Variants in ERN1 observed in about 807,000 individuals in gnomAD.
ERN1 encodes the protein serine/threonine-protein kinase/endoribonuclease IRE1.
A neutral mutation model predicts 113.1 loss-of-function variants in ERN1; 39 were observed. The observed-to-expected ratio is 0.34, with a 90% CI of 0.27 to 0.45. The LOEUF is 0.45. ERN1 is among the 20% of genes least tolerant of loss of function. The pLI, the probability that ERN1 is intolerant of heterozygous loss-of-function variation, is 1.00. For missense variants in ERN1, 976 were observed against 1,274.8 expected (o/e 0.77, Z 3.57); for synonymous variants, 507 against 515.9 (o/e 0.98, Z 0.23).
Position 64,064,106 on chromosome 17 carries a change from C to T in ERN1, c.967G>A (p.Gly323Ser), listed in dbSNP as rs548216105. 25 of 1,610,610 alleles carry T rather than the reference C, an allele frequency of 1.6e-5. 1 individual carries two copies. The South Asian group carries it at 2.7e-4, about 17-fold the overall frequency. Residue 323 changes from glycine (G) to serine (S), a missense_variant, in exon 10 of 22, where the codon GGC (glycine) becomes AGC (serine). Physicochemically the swap from Gly to Ser is moderately conservative, Grantham distance 56 (BLOSUM62 0). Transcript: ENST00000433197. ...LPLLEGPQTD[G>S]VTIGDKGECV... is the part of the protein sequence containing the mutation. The stretch of plus-strand genomic sequence containing the variant: ...TCCCCCTTGTCCCCAATGGTGACGC[C>T]ATCAGTCTGGGGCCCTTCCAGCAAA...
chr17:64,123,147 A>G (rs572993835), intron 1 of ERN1, among the ~76,000 whole-genome samples: 33 of 152,324 alleles, frequency 2.2e-4, no homozygotes, highest in African/African-American at 6.5e-4. Context: ...CAAAAGGGAC[A>G]ATCAATGTAT....
intron 11 of ERN1, among the ~76,000 whole-genome samples, chr17:64,058,691 G>C (rs542918918): frequency 1.7e-4 from 26 of 152,102 alleles, no homozygotes; most frequent in Admixed American, 6.5e-5. Flanking sequence ...CAAATATCTA[G>C]TATTCTAGGT....
At chr17:64,047,046 T>C (rs943906712) in intron 19 of ERN1, among the ~76,000 whole-genome samples, 2 of 152,116 alleles carry the variant, frequency 1.3e-5, no homozygotes, top group Non-Finnish European at 1.5e-5. Flanking sequence ...ACAAATACAA[T>C]ATAAGAAAGC....
At chr17:64,048,994 C>T (rs1912598456) in intron 18 of ERN1, 61 bp downstream of exon 18, 1 of 1,473,866 alleles carries the variant, frequency 6.8e-7, no homozygotes, top group Admixed American at 2.1e-5. Context: ...CAGCCCAGCT[C>T]TGCAGGGCCA....
rs116215775 is a variant in ERN1, at chr17:64,062,833, T to C, written c.1087+1153A>G. 2.7e-3 allele frequency among the ~76,000 whole-genome samples: 417 copies of C among 152,296 alleles called. 1 individual carries two copies. The highest frequency in any genetic ancestry group is 9.8e-3 in the African/African-American group (406 of 41,544). On this transcript the variant is annotated intron_variant, in intron 10 of 21. Transcript: ENST00000433197. ...AAAAACGTATTATTATTTTGTCATC[T>C]CCTTTACCCGTTATTTGGTAAAAAT...
intron 1 of ERN1, among the ~76,000 whole-genome samples, chr17:64,120,589 T>C (rs1350638295): frequency 6.6e-6 from 1 of 152,218 alleles, no homozygotes; most frequent in Non-Finnish European, 1.5e-5. Context: ...GGGCCAAGGT[T>C]CATTTTTTTA....
intron 1 of ERN1, among the ~76,000 whole-genome samples, chr17:64,125,450 C>T (rs906084241): frequency 1.3e-5 from 2 of 152,194 alleles, no homozygotes; most frequent in Middle Eastern, 3.4e-3. Context: ...AACCCCAGTC[C>T]CCAACCCACG....
intron 12 of ERN1, 127 bp downstream of exon 12, chr17:64,057,671 CAACA>C (rs1453685743): frequency 5.3e-6 from 5 of 943,216 alleles, no homozygotes; most frequent in East Asian, 2.6e-5. Flanking sequence ...CCCGCCCGGC[CAACA>C]AACACTGACT....
chr17:64,106,764 A>ACACACACACACACACAC (rs1555618810), intron 1 of ERN1, among the ~76,000 whole-genome samples: 1 of 115,098 alleles, frequency 8.7e-6, no homozygotes, highest in South Asian at 2.2e-4. Flanking sequence ...ACACACACAC[A>ACACACACACACACACAC]AGCTCGCTGT....
chr17:64,065,378 G>A (rs556002799), intron 8 of ERN1, 91 bp from the exon 9 acceptor site: 4 of 910,070 alleles, frequency 4.4e-6, no homozygotes, highest in South Asian at 3.3e-5. Flanking sequence ...ACCACCCGCA[G>A]GGATGACCAC....
chr17:64,067,995 C>T, intron 7 of ERN1, 195 bp downstream of exon 7: 1 of 527,140 alleles, frequency 1.9e-6, no homozygotes, highest in Non-Finnish European at 3.4e-6. Flanking sequence ...ACTTCGGTTT[C>T]CCTTCAGACT....
Position 64,054,900 on chromosome 17 carries a change from A to T in ERN1, c.1673-72T>A. ...AAAGAACCTTGAGGTTAACATAGTGACAAGCTTCCTGACCTCAGATTAAAA... is the reference window on the plus strand; with the variant it reads ...AAAGAACCTTGAGGTTAACATAGTGTCAAGCTTCCTGACCTCAGATTAAAA... On this transcript the variant is annotated intron_variant, in intron 13 of 21. Transcript: ENST00000433197. This position sits in a 1 kb window ranked among gnomAD's most constrained non-coding sequence, Gnocchi z 4.9. The T allele has an allele frequency of 1.7e-6, 2 of 1,148,218 alleles. No individual in the cohort carries two copies. The highest frequency in any genetic ancestry group is 2.5e-6 in the Non-Finnish European group (2 of 793,842). 71.1% of individuals were successfully genotyped at this position (1,148,218 alleles called of 1,614,324 possible). A position where few individuals can be genotyped will look rare whatever the true frequency, so the allele number is the denominator to read the frequency against.
intron 1 of ERN1, among the ~76,000 whole-genome samples, chr17:64,112,152 G>A (rs1379995924): frequency 6.6e-6 from 1 of 152,198 alleles, no homozygotes; most frequent in Non-Finnish European, 1.5e-5. Flanking sequence ...CAGATCACTT[G>A]AGGTCAGGAG....
Position 64,052,927 on chromosome 17 carries a change from G to A in ERN1, c.2106C>T (p.His702=), listed in dbSNP as rs141290625. 3.2e-5 allele frequency: 51 copies of A among 1,613,692 alleles called. No individual in the cohort carries two copies. In the African/African-American group the frequency reaches 3.2e-4, roughly 10 times the overall value. ...HNILISMPNA[H]GKIKAMISDF... ...CGGAGATCATGGCCTTGATCTTGCC[G>A]TGTGCATTGGGCATGGATATGAGGA... Residue 702 remains histidine, a synonymous_variant, in exon 17 of 22, where the codon CAC becomes CAT. Coordinates refer to ENST00000433197, the MANE Select transcript of ERN1 (RefSeq NM_001433.5).
chr17:64,039,822 G>C lies in ERN1; in HGVS notation c.*4166C>G, dbSNP rs1034101491. ...CACACACACAGTACACAGGGGAGGT[G>C]GGGGGGCTTTGGCCAAAGTGTTGGT... On this transcript the variant is annotated 3_prime_UTR_variant, in exon 22 of 22. Coordinates refer to ENST00000433197, the MANE Select transcript of ERN1 (RefSeq NM_001433.5). 1 of 152,176 alleles carries C rather than the reference G, an allele frequency of 6.6e-6. No homozygotes were observed. The highest frequency in any genetic ancestry group is 2.4e-5 in the African/African-American group (1 of 41,426). 9.4% of individuals were successfully genotyped at this position (152,176 alleles called of 1,614,324 possible).
Position 64,057,980 on chromosome 17 carries a change from A to G in ERN1, c.1220T>C (p.Val407Ala), listed in dbSNP as rs764294932. 1.3e-6 allele frequency: 2 copies of G among 1,573,562 alleles called. No individual in the cohort carries two copies. Among genetic ancestry groups the G allele is most frequent in the Admixed American group, 1.9e-5 (1 of 53,490 alleles). Residue 407 changes from valine (V) to alanine (A), a missense_variant, in exon 12 of 22, where the codon GTT (valine) becomes GCT (alanine). Physicochemically the swap from Val to Ala is moderately conservative, Grantham distance 64. This residue lies in a region of ERN1 where 459 missense variants were observed against 581.2 expected (regional missense o/e 0.79). Coordinates refer to ENST00000433197, the MANE Select transcript of ERN1 (RefSeq NM_001433.5). ...KKSFEEVINLVDQTSENAPTT... is the reference protein window; with the variant it reads ...KKSFEEVINLADQTSENAPTT... ...AGGTGCGTTTTCTGAAGTCTGGTCA[A>G]CCAGGTTGATAACCTTGCATGGGAG...
At chr17:64,092,650 T>C (rs1280914729) in intron 2 of ERN1, among the ~76,000 whole-genome samples, 1 of 152,122 alleles carries the variant, frequency 6.6e-6, no homozygotes, top group African/African-American at 2.4e-5. Context: ...CCTACTATTA[T>C]TGGAAAGGAG....
chr17:64,099,660 T>A (rs1469711157), intron 1 of ERN1, among the ~76,000 whole-genome samples: 6 of 152,124 alleles, frequency 3.9e-5, no homozygotes, highest in African/African-American at 1.4e-4. Context: ...CATGGGAGCC[T>A]GATCCCAGAA....
In ERN1 at chr17:64,049,658, A is replaced by G. The variant is rs1912622983; in HGVS notation, c.2254-456T>C. Among the ~76,000 whole-genome samples the G allele has an allele frequency of 6.6e-6, 1 of 152,170 alleles. No individual in the cohort carries two copies. The highest frequency in any genetic ancestry group is 1.9e-4 in the East Asian group (1 of 5,192). On this transcript the variant is annotated intron_variant, in intron 17 of 21. Coordinates refer to ENST00000433197, the MANE Select transcript of ERN1 (RefSeq NM_001433.5). The surrounding 1 kb of genome is among the most constrained non-coding windows in gnomAD (Gnocchi z 4.7). ...AGAATGGTGCCTGCACACAGTAGGT[A>G]TCAAAATTGCTAATAAGTGAATAAA...
Sources: allele counts gnomAD v4.1 joint callset (sites outside exome capture counted in the v4.1 genomes callset), GRCh38; gene constraint gnomAD v4.1.1; regional missense constraint gnomAD v4.1.1; non-coding constraint Gnocchi (gnomAD v3.1); transcripts MANE v1.5; gene names NCBI Gene and HGNC (gene_info 2026-07-23, HGNC 2026-07-21).